The following PCDHB9 variants were observed in gnomAD, a reference collection of about 807,000 sequenced individuals.
PCDHB9 encodes protocadherin beta-9.
For synonymous variants in PCDHB9, 501 were observed against 439.7 expected (o/e 1.14, Z -1.75); for missense variants, 1,072 against 995.1 (o/e 1.08, Z -1.04).
In PCDHB9 at chr5:141,189,783, C is replaced by T. The variant is rs1042874642; in HGVS notation, c.*71C>T. ...GTTGGCTAACTAAATTGTGTATGCC[C>T]ACCACAAAGAAGGTACTATTTTTTG... is the stretch of plus-strand genomic sequence containing the variant. On this transcript the variant is annotated 3_prime_UTR_variant, in exon 1 of 1. Coordinates refer to ENST00000316105, the MANE Select transcript of PCDHB9 (RefSeq NM_019119.5). 1.3e-5 allele frequency: 17 copies of T among 1,304,588 alleles called. No individual in the cohort carries two copies. The African/African-American group carries it at 2.2e-4, about 17-fold the overall frequency. 80.8% of individuals were successfully genotyped at this position (1,304,588 alleles called of 1,614,324 possible).
chr5:141,188,320 G>A lies in PCDHB9; in HGVS notation c.1002G>A (p.Leu334=). The change falls in exon 1 of 1, where the codon TTG becomes TTA. Residue 334 remains leucine, a synonymous_variant. Coordinates refer to ENST00000316105, the MANE Select transcript of PCDHB9 (RefSeq NM_019119.5). ...GGGLSARCTV[L]IKVLDSNDNP... ...GCCTTTCTGCAAGATGTACAGTTTT[G>A]ATAAAAGTATTAGATTCCAATGACA... 1 of 1,614,118 alleles carries A rather than the reference G, an allele frequency of 6.2e-7. No individual in the cohort carries two copies. The highest frequency in any genetic ancestry group is 8.5e-7 in the Non-Finnish European group (1 of 1,180,022).
chr5:141,187,503 G>C lies in PCDHB9; in HGVS notation c.185G>C (p.Arg62Thr). 3.7e-6 allele frequency: 6 copies of C among 1,610,668 alleles called. No homozygotes were observed. The highest frequency in any genetic ancestry group is 5.1e-6 in the Non-Finnish European group (6 of 1,177,694). Reference protein sequence around the residue: ...LGLAEGELAARGTRVVSDDNK... With the variant: ...LGLAEGELAATGTRVVSDDNK... ...CTAGCAGAGGGGGAGCTGGCTGCAA[G>C]GGGAACCAGGGTGGTTTCCGATGAT... Residue 62 changes from arginine to threonine, a missense_variant, in exon 1 of 1, where the codon AGG becomes ACG. Transcript: ENST00000316105.
Position 141,188,818 on chromosome 5 carries a change from C to A in PCDHB9, c.1500C>A (p.Leu500=). 6.2e-7 allele frequency: 1 copy of A among 1,612,962 alleles called. No individual in the cohort carries two copies. Among genetic ancestry groups the A allele is most frequent in the Non-Finnish European group, 8.5e-7 (1 of 1,180,004 alleles). ...LLPPQDPHLP[L]ASLVSINADN... ...CGCCCCAGGACCCACACCTGCCCCT[C>A]GCCTCCCTGGTCTCCATCAACGCGG... is the stretch of plus-strand genomic sequence containing the variant. Residue 500 remains leucine (L), a synonymous_variant, in exon 1 of 1, where the codon CTC becomes CTA. Transcript: ENST00000316105.
chr5:141,188,485 G>A lies in PCDHB9; in HGVS notation c.1167G>A (p.Leu389=), dbSNP rs1753798427. 1 of 1,614,136 alleles carries A rather than the reference G, an allele frequency of 6.2e-7. No individual in the cohort carries two copies. The highest frequency in any genetic ancestry group is 1.1e-5 in the South Asian group (1 of 91,082). The stretch of plus-strand genomic sequence containing the variant: ...CAATTTGCTATGTTCAAGATAATCT[G>A]CCTTTTTTTCTGAAACCGTCTGTTG... ...GKTICYVQDN[L]PFFLKPSVDN... Residue 389 remains leucine, a synonymous_variant, in exon 1 of 1, where the codon CTG becomes CTA. Transcript: ENST00000316105.
In PCDHB9 at chr5:141,188,909, G is replaced by A. The variant is rs566198864; in HGVS notation, c.1591G>A (p.Val531Met). ...YEALQAFDFRVGASDRGSPAL... is the reference protein window; with the variant it reads ...YEALQAFDFRMGASDRGSPAL... ...GGCCCTGCAGGCTTTCGACTTCCGCGTGGGCGCCTCAGACCGCGGCTCCCC... is the reference window on the plus strand; with the variant it reads ...GGCCCTGCAGGCTTTCGACTTCCGCATGGGCGCCTCAGACCGCGGCTCCCC... Residue 531 changes from valine (V) to methionine (M), a missense_variant, in exon 1 of 1, where the codon GTG (valine) becomes ATG (methionine). Coordinates refer to ENST00000316105, the MANE Select transcript of PCDHB9 (RefSeq NM_019119.5). 21 of 1,612,208 alleles carry A rather than the reference G, an allele frequency of 1.3e-5. No homozygotes were observed. The highest frequency in any genetic ancestry group is 2.1e-4 in the Middle Eastern group (1 of 4,726).
Position 141,188,581 on chromosome 5 carries a change from C to T in PCDHB9, c.1263C>T (p.Ile421=). Residue 421 remains isoleucine (I), a synonymous_variant, in exon 1 of 1, where the codon ATC becomes ATT. Coordinates refer to ENST00000316105, the MANE Select transcript of PCDHB9 (RefSeq NM_019119.5). ...GCAAAGCTGAGTACAACATCACCAT[C>T]ACCGTCACTGACTTGGGGACACCCA... ...RESKAEYNIT[I]TVTDLGTPRL... The T allele has an allele frequency of 1.9e-6, 3 of 1,614,224 alleles. No homozygotes were observed. In the South Asian group the frequency reaches 3.3e-5, roughly 18 times the overall value.
chr5:141,187,497 C>T lies in PCDHB9; in HGVS notation c.179C>T (p.Ala60Val). The part of the protein sequence containing the change: ...KDLGLAEGEL[A>V]ARGTRVVSDD... ...CTGGGACTAGCAGAGGGGGAGCTGG[C>T]TGCAAGGGGAACCAGGGTGGTTTCC... is the stretch of plus-strand genomic sequence containing the variant. Residue 60 changes from alanine (A) to valine (V), a missense_variant, in exon 1 of 1, where the codon GCT becomes GTT. By Grantham distance (64) the Ala-to-Val change is moderately conservative. Coordinates refer to ENST00000316105, the MANE Select transcript of PCDHB9 (RefSeq NM_019119.5). 6.2e-7 allele frequency: 1 copy of T among 1,611,714 alleles called. No individual in the cohort carries two copies.
Position 141,189,164 on chromosome 5 carries a change from G to C in PCDHB9, c.1846G>C (p.Gly616Arg), listed in dbSNP as rs1246221083. 1.9e-6 allele frequency: 3 copies of C among 1,601,598 alleles called. No homozygotes were observed. Among genetic ancestry groups the C allele is most frequent in the African/African-American group, 2.7e-5 (2 of 74,770 alleles). ...CAAGGCCACGGAGCCCGGGCTGTTCGGTGTGTGGGCGCACAATGGGGAGGT... is the reference window on the plus strand; with the variant it reads ...CAAGGCCACGGAGCCCGGGCTGTTCCGTGTGTGGGCGCACAATGGGGAGGT... ...LLKATEPGLFGVWAHNGEVRT... is the reference protein window; with the variant it reads ...LLKATEPGLFRVWAHNGEVRT... The change falls in exon 1 of 1, where the codon GGT becomes CGT. Residue 616 changes from glycine (G) to arginine (R), a missense_variant. Transcript: ENST00000316105.
In PCDHB9 at chr5:141,187,785, G is replaced by A. The variant is rs1554282845; in HGVS notation, c.467G>A (p.Arg156Lys). 2.5e-6 allele frequency: 4 copies of A among 1,614,176 alleles called. No homozygotes were observed. The Admixed American group carries it at 5.0e-5, about 20-fold the overall frequency. Reference protein sequence around the residue: ...TAEGTAFRLERAQDPDEGHNS... With the variant: ...TAEGTAFRLEKAQDPDEGHNS... The stretch of plus-strand genomic sequence containing the variant: ...GAAGGGACAGCATTTAGACTAGAAA[G>A]AGCACAGGATCCAGATGAAGGTCAT... The change falls in exon 1 of 1, where the codon AGA becomes AAA. Residue 156 changes from arginine to lysine, a missense_variant. Physicochemically the swap from Arg to Lys is conservative, Grantham distance 26 (BLOSUM62 2). Transcript: ENST00000316105.
chr5:141,188,477 G>T lies in PCDHB9; in HGVS notation c.1159G>T (p.Asp387Tyr), dbSNP rs1399817824. ...TGGAAAGACAATTTGCTATGTTCAA[G>T]ATAATCTGCCTTTTTTTCTGAAACC... ...ENGKTICYVQ[D>Y]NLPFFLKPSV... Residue 387 changes from aspartate to tyrosine, a missense_variant, in exon 1 of 1, where the codon GAT becomes TAT. By Grantham distance (160) the Asp-to-Tyr change is radical. Transcript: ENST00000316105. 29 of 1,614,034 alleles carry T rather than the reference G, an allele frequency of 1.8e-5. No homozygotes were observed. The highest frequency in any genetic ancestry group is 2.2e-5 in the Non-Finnish European group (26 of 1,180,020).
At position 141,188,729 on chromosome 5, in the gene PCDHB9, G is replaced by T; in HGVS notation, c.1411G>T (p.Gly471Cys). 3 of 1,613,458 alleles carry T rather than the reference G, an allele frequency of 1.9e-6. No individual in the cohort carries two copies. Among genetic ancestry groups the T allele is most frequent in the Non-Finnish European group, 2.5e-6 (3 of 1,180,030 alleles). ...GAACAACAGCCCCGCCCTGCACATC[G>T]GCAGTGTCAGCGCCACAGACAGAGA... Reference protein sequence around the residue: ...RENNSPALHIGSVSATDRDSG... With the variant: ...RENNSPALHICSVSATDRDSG... Residue 471 changes from glycine to cysteine, a missense_variant, in exon 1 of 1, where the codon GGC becomes TGC. By Grantham distance (159) the Gly-to-Cys change is radical (BLOSUM62 -3). Transcript: ENST00000316105.
rs1753777667 is a variant in PCDHB9, at chr5:141,187,901, G to A, written c.583G>A (p.Val195Met). 1.2e-6 allele frequency: 2 copies of A among 1,614,078 alleles called. No individual in the cohort carries two copies. The highest frequency in any genetic ancestry group is 2.2e-5 in the East Asian group (1 of 44,896). ...TGAAGGCATGATATATCCAGAGCTA[G>A]TGTTGGACAAAGCACTGGATCGGGA... ...SDEGMIYPEL[V>M]LDKALDREEQ... The change falls in exon 1 of 1, where the codon GTG (valine) becomes ATG (methionine). Residue 195 changes from valine to methionine, a missense_variant. Transcript: ENST00000316105.
In PCDHB9 at chr5:141,189,884, G is replaced by A. The variant is rs539866129; in HGVS notation, c.*172G>A. Reference sequence around the variant, plus strand: ...TTTTCTTATTTTGTATCCTGATGAGGCATTTCTTACTAGAATCCCATAAGT... The same window carrying A: ...TTTTCTTATTTTGTATCCTGATGAGACATTTCTTACTAGAATCCCATAAGT... On this transcript the variant is annotated 3_prime_UTR_variant, in exon 1 of 1. Transcript: ENST00000316105. 73 of 529,344 alleles carry A rather than the reference G, an allele frequency of 1.4e-4. No individual in the cohort carries two copies. The South Asian group carries it at 2.9e-3, about 21-fold the overall frequency. 32.8% of individuals were successfully genotyped at this position (529,344 alleles called of 1,614,324 possible). A position where few individuals can be genotyped will look rare whatever the true frequency, so the allele number is the denominator to read the frequency against.
Position 141,189,397 on chromosome 5 carries a change from G to C in PCDHB9, c.2079G>C (p.Ala693=), listed in dbSNP as rs577261600. The C allele has an allele frequency of 6.2e-7, 1 of 1,611,676 alleles. No individual in the cohort carries two copies. The highest frequency in any genetic ancestry group is 8.5e-7 in the Non-Finnish European group (1 of 1,179,848). The change falls in exon 1 of 1, where the codon GCG becomes GCC. Residue 693 remains alanine (A), a synonymous_variant. Transcript: ENST00000316105. ...TGCTCACCGTCTACCTGGTGGTGGC[G>C]TTGGCCTCGGTGTCTTCGCTCTTCC... is the stretch of plus-strand genomic sequence containing the variant. ...ADLLTVYLVV[A]LASVSSLFLL...
Position 141,188,594 on chromosome 5 carries a change from T to A in PCDHB9, c.1276T>A (p.Leu426Met), listed in dbSNP as rs2697530. 0.16 allele frequency: 259,002 copies of A among 1,614,096 alleles called. 22,241 individuals carry two copies. The highest frequency in any genetic ancestry group is 0.19 in the Middle Eastern group (1,159 of 6,062). The change falls in exon 1 of 1, where the codon TTG (leucine) becomes ATG (methionine). Residue 426 changes from leucine to methionine, a missense_variant. Transcript: ENST00000316105. ...CAACATCACCATCACCGTCACTGACTTGGGGACACCCAGGCTGAAAACCGA... is the reference window on the plus strand; with the variant it reads ...CAACATCACCATCACCGTCACTGACATGGGGACACCCAGGCTGAAAACCGA... ...EYNITITVTD[L>M]GTPRLKTEHS...
Position 141,189,933 on chromosome 5 carries a change from G to T in PCDHB9, c.*221G>T. On this transcript the variant is annotated 3_prime_UTR_variant, in exon 1 of 1. Transcript: ENST00000316105. ...GTGAAATATAATATTTTTCAAAGTT[G>T]ATATCATTTAAAAATTTTTGGTCGT... 2.3e-6 allele frequency: 1 copy of T among 436,446 alleles called. No homozygotes were observed. The highest frequency in any genetic ancestry group is 2.1e-5 in the African/African-American group (1 of 48,580). The allele number at this position is 436,446 out of a possible 1,614,324, so 27.0% of individuals were successfully genotyped here. A position where few individuals can be genotyped will look rare whatever the true frequency, so the allele number is the denominator to read the frequency against.
At position 141,189,570 on chromosome 5, in the gene PCDHB9, A is replaced by G; in HGVS notation, c.2252A>G (p.Tyr751Cys). Residue 751 changes from tyrosine (Y) to cysteine (C), a missense_variant, in exon 1 of 1, where the codon TAC becomes TGC. Tyr to Cys is a radical substitution (Grantham distance 194, BLOSUM62 -2). Coordinates refer to ENST00000316105, the MANE Select transcript of PCDHB9 (RefSeq NM_019119.5). ...GGGACCCTGTTCCAGAGCTACCAGT[A>G]CGAGGTGTGTCTGACTGGAGGTTCA... is the stretch of plus-strand genomic sequence containing the variant. ...GTGTLFQSYQ[Y>C]EVCLTGGSET... is the part of the protein sequence containing the mutation. 1 of 1,614,056 alleles carries G rather than the reference A, an allele frequency of 6.2e-7. No homozygotes were observed. Among genetic ancestry groups the G allele is most frequent in the South Asian group, 1.1e-5 (1 of 91,080 alleles).
At position 141,188,939 on chromosome 5, in the gene PCDHB9, T is replaced by C. The variant is rs782142041; in HGVS notation, c.1621T>C (p.Leu541=). Residue 541 remains leucine, a synonymous_variant, in exon 1 of 1, where the codon TTG becomes CTG. Transcript: ENST00000316105. ...VGASDRGSPA[L]SSEALVRVLV... ...CGCCTCAGACCGCGGCTCCCCGGCT[T>C]TGAGCAGCGAGGCGCTGGTGCGCGT... 9.9e-6 allele frequency: 16 copies of C among 1,611,666 alleles called. No homozygotes were observed. The highest frequency in any genetic ancestry group is 6.7e-5 in the East Asian group (3 of 44,850).
In PCDHB9 at chr5:141,188,978, G is replaced by A. The variant is rs1753819055; in HGVS notation, c.1660G>A (p.Ala554Thr). 5 of 1,611,638 alleles carry A rather than the reference G, an allele frequency of 3.1e-6. No homozygotes were observed. ...GCTGGTGCGCGTACTGGTGCTGGAC[G>A]CCAACGACAACTCGCCCTTCGTGCT... ...EALVRVLVLDANDNSPFVLYP... is the reference protein window; with the variant it reads ...EALVRVLVLDTNDNSPFVLYP... Residue 554 changes from alanine (A) to threonine (T), a missense_variant, in exon 1 of 1, where the codon GCC becomes ACC. By Grantham distance (58) the Ala-to-Thr change is moderately conservative (BLOSUM62 0). Transcript: ENST00000316105.
Sources: gnomAD v4.1 joint callset for allele counts on GRCh38, gnomAD v4.1.1 for gene constraint, MANE v1.5 for transcripts, NCBI Gene and HGNC (gene_info 2026-07-23, HGNC 2026-07-21) for gene names.